GSDMC: variants seen among roughly 807,000 people sequenced by gnomAD.
The protein encoded by GSDMC is gasdermin C.
Under a neutral mutation model 58.0 loss-of-function variants are expected in GSDMC, and 59 were observed. The observed-to-expected ratio is 1.02, with a 90% confidence interval of 0.82 to 1.26. The LOEUF (loss-of-function observed/expected upper bound fraction) is 1.26. Among genes scored for constraint, GSDMC ranks in the 50% most tolerant of loss-of-function variants. The pLI, the probability that GSDMC is intolerant of heterozygous loss-of-function variation, is 0.00. For missense variants in GSDMC, 659 were observed against 598.5 expected (o/e 1.10, Z -1.06); for synonymous variants, 241 against 220.2 (o/e 1.09, Z -0.83).
chr8:129,707,186 G>T, the GSDMC span: 1 of 105,468 alleles, frequency 9.5e-6, no homozygotes, highest in African/African-American at 7.8e-5. Flanking sequence ...TCTCAGCCTG[G>T]ATAGAAAAAA....
chr8:129,753,907 C>T (rs1453513327), intron 6 of GSDMC, among the ~76,000 whole-genome samples: 1 of 152,190 alleles, frequency 6.6e-6, no homozygotes, highest in African/African-American at 2.4e-5. Context: ...GAGAGAGCTC[C>T]TCTACCTGTG....
chr8:129,765,799 G>T lies in GSDMC; in HGVS notation c.405-6C>A, dbSNP rs1301165974. The T allele has an allele frequency of 6.2e-7, 1 of 1,611,848 alleles. No homozygotes were observed. Among genetic ancestry groups the T allele is most frequent in the Non-Finnish European group, 8.5e-7 (1 of 1,178,946 alleles). Reference sequence around the variant, plus strand: ...GCTCTGGATCCAACAGTTTCCTGGGGATTTAAGGAAGGAGGACAAGAGTCA... The same window carrying T: ...GCTCTGGATCCAACAGTTTCCTGGGTATTTAAGGAAGGAGGACAAGAGTCA... On this transcript the variant is annotated splice_polypyrimidine_tract_variant and splice_region_variant and intron_variant, in intron 3 of 13. Coordinates refer to ENST00000276708, the MANE Select transcript of GSDMC (RefSeq NM_031415.3).
At chr8:129,728,427 T>C in the GSDMC span, among the ~76,000 whole-genome samples, 1 of 152,136 alleles carries the variant, frequency 6.6e-6, no homozygotes, top group Non-Finnish European at 1.5e-5. Flanking sequence ...ATACAGAGAA[T>C]AGGGGACTGA....
Position 129,760,550 on chromosome 8 carries a change from TGAAAG to T in GSDMC, c.711_715del (p.Phe238ArgfsTer2). On this transcript the variant is annotated frameshift_variant, in exon 6 of 14. Coordinates refer to ENST00000276708, the MANE Select transcript of GSDMC (RefSeq NM_031415.3). LOFTEE classifies it high-confidence loss of function. ...GACCAGGCTTTGGAACTCACCATCT[TGAAAG>T]GTTCTCTGTTCATCATCATCTGAGA... 1.3e-6 allele frequency: 2 copies of T among 1,591,770 alleles called. No individual in the cohort carries two copies. Among genetic ancestry groups the T allele is most frequent in the South Asian group, 2.2e-5 (2 of 90,170 alleles).
At chr8:129,779,902 A>C (rs1474025847) in intron 1 of GSDMC, among the ~76,000 whole-genome samples, 1 of 151,980 alleles carries the variant, frequency 6.6e-6, no homozygotes, top group Non-Finnish European at 1.5e-5. Context: ...GGAACTCAGA[A>C]TTCTATCAGA....
At chr8:129,705,812 G>A in the GSDMC span, among the ~76,000 whole-genome samples, 2 of 152,016 alleles carry the variant, frequency 1.3e-5, no homozygotes, top group African/African-American at 2.4e-5. Context: ...GAAGAGAGGG[G>A]GCATAGAATT....
intron 3 of GSDMC, among the ~76,000 whole-genome samples, chr8:129,772,100 TAAA>T (rs2034073920): frequency 6.6e-6 from 1 of 151,800 alleles, no homozygotes; most frequent in African/African-American, 2.4e-5. Flanking sequence ...CCGTCTCTAC[TAAA>T]AATACAAAAA....
At chr8:129,757,251 C>G (rs748523350) in intron 6 of GSDMC, among the ~76,000 whole-genome samples, 1 of 151,586 alleles carries the variant, frequency 6.6e-6, no homozygotes, top group Admixed American at 6.6e-5. Flanking sequence ...TTTAAAGGAT[C>G]ATTAGTGGCT....
intron 6 of GSDMC, among the ~76,000 whole-genome samples, chr8:129,758,890 G>A (rs147181967): frequency 3.0e-4 from 45 of 152,024 alleles, no homozygotes; most frequent in Non-Finnish European, 1.5e-5. Context: ...AAGCACAAAA[G>A]ACCCAGAATA....
intron 3 of GSDMC, among the ~76,000 whole-genome samples, chr8:129,771,361 G>A (rs2034043470): frequency 6.6e-6 from 1 of 151,766 alleles, no homozygotes; most frequent in South Asian, 2.1e-4. Context: ...AACAGCAGCG[G>A]AATACAAATT....
At chr8:129,727,181 G>A in the GSDMC span, among the ~76,000 whole-genome samples, 2 of 152,240 alleles carry the variant, frequency 1.3e-5, no homozygotes, top group South Asian at 4.1e-4. Context: ...ATTAGAGTGA[G>A]CCCTAAATCC....
chr8:129,760,059 CA>C (rs756677541), intron 6 of GSDMC, among the ~76,000 whole-genome samples: 24 of 152,128 alleles, frequency 1.6e-4, no homozygotes, highest in Non-Finnish European at 3.1e-4. Context: ...CTATTATTTG[CA>C]AAAACATTAA....
chr8:129,757,549 A>T (rs1465093362), intron 6 of GSDMC, among the ~76,000 whole-genome samples: 2 of 152,130 alleles, frequency 1.3e-5, no homozygotes, highest in East Asian at 3.8e-4. Flanking sequence ...AACTCATTCT[A>T]TGAGGCCAGT....
the GSDMC span, among the ~76,000 whole-genome samples, chr8:129,729,480 GC>G: frequency 6.6e-6 from 1 of 151,934 alleles, no homozygotes; most frequent in Non-Finnish European, 1.5e-5. Context: ...CCCACAACAG[GC>G]CCCAGTGTGT....
chr8:129,731,701 G>A, the GSDMC span, among the ~76,000 whole-genome samples: 11 of 152,144 alleles, frequency 7.2e-5, no homozygotes, highest in African/African-American at 1.4e-4. Context: ...GGCAGTCTGC[G>A]TTATTCAAAG....
chr8:129,781,540 C>T (rs1184851348), intron 1 of GSDMC, among the ~76,000 whole-genome samples: 7 of 152,022 alleles, frequency 4.6e-5, no homozygotes, highest in South Asian at 2.1e-4. Flanking sequence ...GTCAGGAGAT[C>T]GAGACCGTCC....
the GSDMC span, among the ~76,000 whole-genome samples, chr8:129,711,647 A>G: frequency 6.6e-6 from 1 of 152,234 alleles, no homozygotes; most frequent in Non-Finnish European, 1.5e-5. Context: ...AATGAGATAC[A>G]AAAGGAGAGA....
intron 1 of GSDMC, among the ~76,000 whole-genome samples, chr8:129,781,585 A>G (rs1436410757): frequency 6.6e-6 from 1 of 152,098 alleles, no homozygotes; most frequent in Non-Finnish European, 1.5e-5. Context: ...TCTATTAAAA[A>G]CACAAAAAAA....
At chr8:129,774,290 G>C (rs1180543979) in intron 3 of GSDMC, among the ~76,000 whole-genome samples, 2 of 152,102 alleles carry the variant, frequency 1.3e-5, no homozygotes, top group Non-Finnish European at 2.9e-5. Flanking sequence ...GACAAGAAAA[G>C]ACAGTGAGAT....
Sources: gnomAD v4.1 joint callset for allele counts (sites outside exome capture counted in the v4.1 genomes callset) on GRCh38, gnomAD v4.1.1 for gene constraint, MANE v1.5 for transcripts, NCBI Gene and HGNC (gene_info 2026-07-23, HGNC 2026-07-21) for gene names.